Variants in TTC23L observed in about 807,000 individuals in gnomAD.
TTC23L encodes the protein tetratricopeptide repeat domain 23 like, also known as tetratricopeptide repeat protein 23-like.
In TTC23L, 42 loss-of-function variants were observed where a neutral mutation model predicts 48.1. The observed-to-expected ratio is 0.87, with a 90% confidence interval of 0.68 to 1.13. TTC23L has a LOEUF of 1.13. Ranked by LOEUF, TTC23L falls within the 50% of genes most tolerant of loss-of-function variation. TTC23L has a pLI of 0.00. For missense variants in TTC23L, 391 were observed against 421.0 expected (o/e 0.93, Z 0.62); for synonymous variants, 159 against 157.2 (o/e 1.01, Z -0.09).
intron 4 of TTC23L, among the ~76,000 whole-genome samples, chr5:34,858,217 G>C (rs937783627): frequency 2.6e-5 from 4 of 152,136 alleles, no homozygotes; most frequent in African/African-American, 9.7e-5. Flanking sequence ...GGTATCCTTG[G>C]CTTGGGAGGG....
the TTC23L span, chr5:34,907,081 C>G: frequency 6.6e-6 from 1 of 152,172 alleles, no homozygotes; most frequent in East Asian, 1.9e-4. Flanking sequence ...CTGGCCACCT[C>G]CCAGAATTGT....
chr5:34,902,349 G>A (rs189173342), downstream of TTC23L: 42 of 299,508 alleles, frequency 1.4e-4, no homozygotes, highest in Admixed American at 1.4e-3. Context: ...CTGGGAGGTG[G>A]AGGTTGCAGT....
intron 8 of TTC23L, 159 bp downstream of exon 8, chr5:34,869,172 C>G (rs974809803): frequency 3.4e-6 from 2 of 580,062 alleles, no homozygotes; most frequent in African/African-American, 3.8e-5. Flanking sequence ...TTAATTTAAA[C>G]CTGATAATAT....
intron 8 of TTC23L, among the ~76,000 whole-genome samples, chr5:34,877,505 T>C (rs1366412553): frequency 6.6e-6 from 1 of 151,884 alleles, no homozygotes; most frequent in Non-Finnish European, 1.5e-5. Context: ...CTCACTGCAA[T>C]CTCTGCCTTC....
chr5:34,922,441 ATG>A, the TTC23L span: 1 of 916,886 alleles, frequency 1.1e-6, no homozygotes, highest in Non-Finnish European at 1.7e-6. Context: ...AGAAAATTAA[ATG>A]TATAAATATT....
downstream of TTC23L, among the ~76,000 whole-genome samples, chr5:34,900,763 C>A (rs996094763): frequency 1.3e-5 from 2 of 152,178 alleles, no homozygotes. Context: ...TTATGGTGCA[C>A]TAAACATGAT....
chr5:34,875,057 G>A (rs1032770367), intron 8 of TTC23L, among the ~76,000 whole-genome samples: 11 of 152,156 alleles, frequency 7.2e-5, no homozygotes, highest in African/African-American at 1.4e-4. Context: ...AAGAGTAGCC[G>A]TACTAGTTTC....
chr5:34,891,542 T>C (rs541771438), intron 9 of TTC23L, among the ~76,000 whole-genome samples: 2 of 152,344 alleles, frequency 1.3e-5, no homozygotes, highest in South Asian at 2.1e-4. Context: ...ATATTTGAAA[T>C]CAGAGATGAT....
chr5:34,920,885 A>T, the TTC23L span: 1 of 151,346 alleles, frequency 6.6e-6, no homozygotes, highest in African/African-American at 2.4e-5. Context: ...GGTTTTGGAG[A>T]CAAAAGTCTC....
chr5:34,867,045 C>A lies in TTC23L; in HGVS notation c.816C>A (p.Asn272Lys), dbSNP rs1386757747. Residue 272 changes from asparagine to lysine, a missense_variant, in exon 7 of 11, where the codon AAC becomes AAA. Asn to Lys is a moderately conservative substitution (Grantham distance 94). Coordinates refer to ENST00000505624, the Ensembl canonical transcript of TTC23L. Reference sequence around the variant, plus strand: ...TAGAGCAGCTGAGGAGGAACCACAACCAGGCCATCCAGTACTTGCAGCAGG... The same window carrying A: ...TAGAGCAGCTGAGGAGGAACCACAAACAGGCCATCCAGTACTTGCAGCAGG... 81 of 1,611,242 alleles carry A rather than the reference C, an allele frequency of 5.0e-5. No homozygotes were observed. Among genetic ancestry groups the A allele is most frequent in the Non-Finnish European group, 6.4e-5 (76 of 1,178,806 alleles).
At chr5:34,918,345 A>G in the TTC23L span, 2 of 1,245,988 alleles carry the variant, frequency 1.6e-6, no homozygotes, top group Non-Finnish European at 2.3e-6. Context: ...AAATCTTTTA[A>G]CATTTTCTTT....
chr5:34,877,937 A>G (rs1457362892), intron 8 of TTC23L, among the ~76,000 whole-genome samples: 1 of 152,214 alleles, frequency 6.6e-6, no homozygotes, highest in Non-Finnish European at 1.5e-5. Context: ...AAAATTTGAA[A>G]GAATCAACAA....
intron 4 of TTC23L, among the ~76,000 whole-genome samples, chr5:34,851,301 T>G (rs1385792386): frequency 6.6e-6 from 1 of 152,166 alleles, no homozygotes; most frequent in Non-Finnish European, 1.5e-5. Context: ...AGCAATATAT[T>G]TGGGCCATAA....
chr5:34,891,016 A>G (rs545787911), intron 9 of TTC23L, among the ~76,000 whole-genome samples: 13 of 152,324 alleles, frequency 8.5e-5, no homozygotes, highest in African/African-American at 3.1e-4. Context: ...TTCCTCAAAA[A>G]GTACGTTTTC....
intron 8 of TTC23L, among the ~76,000 whole-genome samples, chr5:34,871,296 T>A (rs2388867): frequency 0.13 from 20,470 of 151,842 alleles, 1,629 homozygotes; most frequent in South Asian, 0.2. Context: ...AACAAAAATT[T>A]AAAAAAAATC....
At chr5:34,873,075 G>GAA (rs983344692) in intron 8 of TTC23L, among the ~76,000 whole-genome samples, 2 of 113,318 alleles carry the variant, frequency 1.8e-5, no homozygotes, top group Admixed American at 8.6e-5. Flanking sequence ...GAAAAGAAAA[G>GAA]AAAAAAAAAA....
intron 7 of TTC23L, 137 bp from the exon 8 acceptor site, chr5:34,868,768 C>T (rs570644583): frequency 2.0e-5 from 14 of 699,518 alleles, no homozygotes; most frequent in East Asian, 1.1e-4. Flanking sequence ...ATTCCTTCTA[C>T]GAATGAAGGT....
the TTC23L span, among the ~76,000 whole-genome samples, chr5:34,904,752 AC>A: frequency 3.3e-5 from 5 of 152,296 alleles, no homozygotes; most frequent in Admixed American, 2.0e-4. Context: ...AGCCACGGCA[AC>A]CAAAATCCTT....
At chr5:34,901,161 T>TA (rs1181422314), downstream of TTC23L, among the ~76,000 whole-genome samples, 9 of 152,252 alleles carry the variant, frequency 5.9e-5, no homozygotes, top group East Asian at 9.6e-4. Context: ...TCATACCTTT[T>TA]AAAATGTTTA....
Sources: allele counts gnomAD v4.1 joint callset (sites outside exome capture counted in the v4.1 genomes callset), GRCh38; gene constraint gnomAD v4.1.1; transcripts MANE v1.5; gene names NCBI Gene and HGNC (gene_info 2026-07-23, HGNC 2026-07-21).